Variants in MYO1H observed in about 807,000 individuals in gnomAD.
MYO1H encodes the protein myosin IH.
Under a neutral mutation model 149.3 loss-of-function variants are expected in MYO1H, and 118 were observed. The observed-to-expected ratio is 0.79, with a 90% CI of 0.68 to 0.92. The LOEUF (loss-of-function observed/expected upper bound fraction) is 0.92, where lower values mean the gene tolerates loss of function less well. Among genes scored for constraint, MYO1H ranks in the 40% least tolerant of loss-of-function variants. The pLI is 0.00. For missense variants in MYO1H, 1,212 were observed against 1,280.7 expected (o/e 0.95, Z 0.82); for synonymous variants, 447 against 465.2 (o/e 0.96, Z 0.50).
intron 1 of MYO1H, among the ~76,000 whole-genome samples, chr12:109,386,329 C>T (rs1869306501): frequency 6.6e-6 from 1 of 152,128 alleles, no homozygotes; most frequent in Admixed American, 6.5e-5. Context: ...ATGTTCAAGT[C>T]TTTTTGTAGA....
At position 109,421,125 on chromosome 12, in the gene MYO1H, T is replaced by TC. The variant is rs1156759240; in HGVS notation, c.1644+100dup. The TC allele has an allele frequency of 1.2e-5, 9 of 742,272 alleles. No homozygotes were observed. In the East Asian group the frequency reaches 2.1e-4, roughly 17 times the overall value. The allele number at this position is 742,272 out of a possible 1,614,324, so 46.0% of individuals were successfully genotyped here. A position where few individuals can be genotyped will look rare whatever the true frequency, so the allele number is the denominator to read the frequency against. On this transcript the variant is annotated intron_variant, in intron 16 of 31. Coordinates refer to ENST00000310903, the Ensembl canonical transcript of MYO1H. ...ATTCGCCTTCTGGATTTTTTTTTTTTCCATGCATCGTATTAGAACTCCAGC... is the reference window on the plus strand; with the variant it reads ...ATTCGCCTTCTGGATTTTTTTTTTTTCCCATGCATCGTATTAGAACTCCAGC...
At chr12:109,354,448 A>G (rs1231247324) in intron 1 of MYO1H, 3 of 151,940 alleles carry the variant, frequency 2.0e-5, no homozygotes, top group Admixed American at 6.6e-5. Context: ...ACAAAAAAAA[A>G]AGAAAAGAAA....
chr12:109,393,258 C>A, intron 2 of MYO1H, 73 bp from the exon 3 acceptor site: 1 of 898,006 alleles, frequency 1.1e-6, no homozygotes, highest in Non-Finnish European at 1.8e-6. Flanking sequence ...GGAATGAACA[C>A]ATGGGGATCA....
chr12:109,353,738 G>A (rs567438777), intron 1 of MYO1H, among the ~76,000 whole-genome samples: 14 of 152,132 alleles, frequency 9.2e-5, no homozygotes, highest in Non-Finnish European at 1.5e-4. Context: ...TGCAACCCCC[G>A]CCTCCCAGGT....
chr12:109,353,473 A>C (rs1475799062), intron 1 of MYO1H, among the ~76,000 whole-genome samples: 1 of 151,624 alleles, frequency 6.6e-6, no homozygotes, highest in African/African-American at 2.4e-5. Flanking sequence ...TTTGATTCCT[A>C]AACTTGTAAT....
chr12:109,393,517 C>T (rs1441066491), intron 3 of MYO1H, 71 bp downstream of exon 3: 2 of 535,148 alleles, frequency 3.7e-6, no homozygotes, highest in Non-Finnish European at 2.8e-6. Flanking sequence ...CCTTCCTTCT[C>T]ACCACGCATC....
the MYO1H span, among the ~76,000 whole-genome samples, chr12:109,320,052 G>A: frequency 6.6e-6 from 1 of 152,092 alleles, no homozygotes; most frequent in African/African-American, 2.4e-5. Context: ...AGTGGTTTAT[G>A]CCTGTAATCC....
intron 16 of MYO1H, 43 bp from the exon 17 acceptor site, chr12:109,424,705 T>C: frequency 1.9e-6 from 3 of 1,539,064 alleles, no homozygotes; most frequent in Non-Finnish European, 1.8e-6. Context: ...CTGTAGTGAT[T>C]TCTGAAACAG....
chr12:109,415,428 A>G, intron 14 of MYO1H, 98 bp from the exon 15 acceptor site: 1 of 1,122,306 alleles, frequency 8.9e-7, no homozygotes, highest in Non-Finnish European at 1.3e-6. Flanking sequence ...GTGAGCCAAG[A>G]TTGTGCCACT....
intron 1 of MYO1H, among the ~76,000 whole-genome samples, chr12:109,348,704 AAAGACT>A (rs1404015936): frequency 6.6e-6 from 1 of 152,228 alleles, no homozygotes; most frequent in Non-Finnish European, 1.5e-5. Flanking sequence ...TTCTAAGCAT[AAAGACT>A]TCCAAGGACA....
At chr12:109,388,526 A>G (rs1869483274) in intron 1 of MYO1H, among the ~76,000 whole-genome samples, 157 bp from the exon 2 acceptor site, 2 of 152,196 alleles carry the variant, frequency 1.3e-5, no homozygotes, top group African/African-American at 4.8e-5. Context: ...ATGATCTTGT[A>G]TCCCCAACCA....
chr12:109,405,972 TGAA>T (rs1374901018), exon 8 of MYO1H: 2 of 1,613,958 alleles, frequency 1.2e-6, no homozygotes, highest in South Asian at 2.2e-5. Flanking sequence ...ACATTGGTTT[TGAA>T]GAAGACGACC....
At chr12:109,326,057 A>C in the MYO1H span, among the ~76,000 whole-genome samples, 1 of 148,748 alleles carries the variant, frequency 6.7e-6, no homozygotes. Context: ...GGCCCTGTCT[A>C]GAAGATATTT....
intron 31 of MYO1H, chr12:109,445,979 C>G: frequency 1.0e-6 from 1 of 985,386 alleles, no homozygotes; most frequent in Non-Finnish European, 1.2e-6. Flanking sequence ...TGTGTCCCAC[C>G]CAGATACTGA....
At chr12:109,350,990 C>A (rs933181999) in intron 1 of MYO1H, among the ~76,000 whole-genome samples, 3 of 97,730 alleles carry the variant, frequency 3.1e-5, no homozygotes, top group African/African-American at 9.2e-5. Context: ...ATGGAACAAC[C>A]ACCATCAGTA....
the MYO1H span, among the ~76,000 whole-genome samples, chr12:109,312,800 T>G: frequency 1.3e-5 from 2 of 151,966 alleles, no homozygotes; most frequent in South Asian, 2.1e-4. Flanking sequence ...GTTTTTTTTT[T>G]TTTTAACTTG....
chr12:109,314,046 G>A, the MYO1H span, among the ~76,000 whole-genome samples: 21 of 151,936 alleles, frequency 1.4e-4, no homozygotes, highest in South Asian at 2.1e-4. Flanking sequence ...CACCATGCCT[G>A]GCTAATTTTT....
chr12:109,368,412 T>C (rs1357202906), intron 1 of MYO1H, among the ~76,000 whole-genome samples: 1 of 152,098 alleles, frequency 6.6e-6, no homozygotes, highest in Non-Finnish European at 1.5e-5. Context: ...TCCCAGCACT[T>C]TGGGAGGCCG....
the MYO1H span, among the ~76,000 whole-genome samples, chr12:109,318,972 G>GTTTTTTTTTT: frequency 1.1e-3 from 88 of 77,238 alleles, 4 homozygotes; most frequent in East Asian, 5.7e-3. Flanking sequence ...TTTTGGTTTT[G>GTTTTTTTTTT]TTTTTTTTTT....
Sources: gnomAD v4.1 joint callset for allele counts (sites outside exome capture counted in the v4.1 genomes callset) on GRCh38, gnomAD v4.1.1 for gene constraint, MANE v1.5 for transcripts, NCBI Gene and HGNC (gene_info 2026-07-23, HGNC 2026-07-21) for gene names.